UQCC1: variants seen among roughly 807,000 people sequenced by gnomAD.
UQCC1 encodes ubiquinol-cytochrome c reductase complex assembly factor 1.
A neutral mutation model predicts 48.0 loss-of-function variants in UQCC1; 38 were observed. The ratio of observed to expected loss-of-function variants is 0.79; its 90% confidence interval spans 0.61 to 1.04. The LOEUF is 1.04. Among genes scored for constraint, UQCC1 ranks in the 50% least tolerant of loss-of-function variants. UQCC1 has a pLI of 0.00. For missense variants in UQCC1, 368 were observed against 381.8 expected (o/e 0.96, Z 0.30); for synonymous variants, 111 against 129.2 (o/e 0.86, Z 0.95).
intron 6 of UQCC1, among the ~76,000 whole-genome samples, chr20:35,348,324 A>C (rs1399780775): frequency 6.6e-6 from 1 of 152,222 alleles, no homozygotes; most frequent in East Asian, 1.9e-4. Context: ...AGGGTCCCCA[A>C]CTTTTCAAAC....
intron 4 of UQCC1, among the ~76,000 whole-genome samples, chr20:35,377,745 CCTTGCCTGGAGA>C (rs2061818863): frequency 6.6e-6 from 1 of 152,186 alleles, no homozygotes; most frequent in African/African-American, 2.4e-5. Flanking sequence ...TAATTAATCA[CCTTGCCTGGAGA>C]CTTGCCTTCA....
At chr20:35,366,766 A>G (rs2061671397) in intron 5 of UQCC1, 152 bp from the exon 6 acceptor site, 1 of 614,162 alleles carries the variant, frequency 1.6e-6, no homozygotes, top group Admixed American at 3.1e-5. Flanking sequence ...ACCACAGGAT[A>G]AAAGAACTTT....
chr20:35,404,396 C>T (rs148038953), intron 1 of UQCC1, among the ~76,000 whole-genome samples: 3,415 of 143,050 alleles, frequency 0.024, 144 homozygotes, highest in African/African-American at 0.087. Flanking sequence ...CAAAATTAGC[C>T]GGGCATGGTG....
intron 4 of UQCC1, among the ~76,000 whole-genome samples, chr20:35,375,084 C>T (rs1042149458): frequency 3.9e-5 from 6 of 152,082 alleles, no homozygotes; most frequent in African/African-American, 1.4e-4. Flanking sequence ...TAAATGAGCA[C>T]TTCAACAAGG....
At chr20:35,359,668 A>C (rs1035940479) in intron 6 of UQCC1, among the ~76,000 whole-genome samples, 1 of 152,112 alleles carries the variant, frequency 6.6e-6, no homozygotes, top group African/African-American at 2.4e-5. Flanking sequence ...AATAAAGACT[A>C]GCAGGCACTT....
At chr20:35,311,117 A>C (rs1280939743) in intron 8 of UQCC1, among the ~76,000 whole-genome samples, 1 of 152,134 alleles carries the variant, frequency 6.6e-6, no homozygotes, top group African/African-American at 2.4e-5. Context: ...TACTGCCCTC[A>C]ACCCCTCATT....
At chr20:35,314,795 T>G in intron 7 of UQCC1, 30 bp from the exon 8 acceptor site, 1 of 1,562,698 alleles carries the variant, frequency 6.4e-7, no homozygotes. Context: ...AAACAAAAGT[T>G]TGAAAGAAAG....
intron 7 of UQCC1, among the ~76,000 whole-genome samples, chr20:35,339,968 T>C (rs2061359684): frequency 6.6e-6 from 1 of 152,150 alleles, no homozygotes; most frequent in Non-Finnish European, 1.5e-5. Flanking sequence ...AATACTTCAA[T>C]ATGTATCTGC....
rs376923013 is a variant in UQCC1 at position 35,411,951 on chromosome 20, C to T, written c.13G>A (p.Val5Met). 6.2e-7 allele frequency: 1 copy of T among 1,614,240 alleles called. No individual in the cohort carries two copies. Among genetic ancestry groups the T allele is most frequent in the Non-Finnish European group, 8.5e-7 (1 of 1,180,046 alleles). Residue 5 changes from valine to methionine, a missense_variant, in exon 1 of 10, where the codon GTG (valine) becomes ATG (methionine). Coordinates refer to ENST00000374385, the MANE Select transcript of UQCC1 (RefSeq NM_018244.5). ...ACTCCTTCACTCACAAGGACTCGCA[C>T]CAGCAACGCCATGTTCCTCAATAAC... MALL[V>M]RVLRNQTSIS...
chr20:35,342,122 C>A (rs1039926655), intron 7 of UQCC1, among the ~76,000 whole-genome samples: 15 of 152,134 alleles, frequency 9.9e-5, no homozygotes, highest in African/African-American at 3.6e-4. Context: ...GAGCAGGGGA[C>A]CATGAGGTGA....
chr20:35,410,704 C>CAAAAAA lies in UQCC1; in HGVS notation c.24+1230_24+1235dup, dbSNP rs1183843739. On this transcript the variant is annotated intron_variant, in intron 1 of 9. Coordinates refer to ENST00000374385, the MANE Select transcript of UQCC1 (RefSeq NM_018244.5). ...TCGGCGACAGAGCAAGACTCTGCCT[C>CAAAAAA]AAAAAAAAAAAAAAAAAAAACAAAA... Among the ~76,000 whole-genome samples, 21 of 2,708 alleles carry CAAAAAA rather than the reference C, an allele frequency of 7.8e-3. 5 individuals carry two copies. Among genetic ancestry groups the CAAAAAA allele is most frequent in the African/African-American group, 0.018 (14 of 784 alleles). The allele number at this position is 2,708 out of a possible 152,430, so 1.8% of individuals were successfully genotyped here.
At chr20:35,393,608 A>G (rs1375747896) in intron 2 of UQCC1, among the ~76,000 whole-genome samples, 1 of 152,070 alleles carries the variant, frequency 6.6e-6, no homozygotes, top group African/African-American at 2.4e-5. Flanking sequence ...TATTTCCCTT[A>G]TTACTAAATT....
intron 2 of UQCC1, among the ~76,000 whole-genome samples, chr20:35,388,886 G>A (rs1293592262): frequency 9.2e-5 from 14 of 152,034 alleles, no homozygotes; most frequent in Admixed American, 9.2e-4. Flanking sequence ...CCAACATGGT[G>A]AAACCCCTTC....
At position 35,394,158 on chromosome 20, in the gene UQCC1, G is replaced by A; in HGVS notation, c.63C>T (p.Cys21=). The stretch of plus-strand genomic sequence containing the variant: ...TAGGAGACACAGGTATCAATCGGCT[G>A]CATACTGGAACCCACTGAGAAATGC... ...QTSISQWVPV[C]SRLIPVSPTQ... The change falls in exon 2 of 10, where the codon TGC becomes TGT. Residue 21 remains cysteine (C), a synonymous_variant. Coordinates refer to ENST00000374385, the MANE Select transcript of UQCC1 (RefSeq NM_018244.5). 3 of 1,614,066 alleles carry A rather than the reference G, an allele frequency of 1.9e-6. No homozygotes were observed. The highest frequency in any genetic ancestry group is 2.2e-5 in the East Asian group (1 of 44,888).
At chr20:35,370,112 G>A (rs1410073690) in intron 5 of UQCC1, among the ~76,000 whole-genome samples, 1 of 152,172 alleles carries the variant, frequency 6.6e-6, no homozygotes. Flanking sequence ...GAAACAGCGG[G>A]CTGCTGAATT....
At chr20:35,400,771 A>G (rs1304828387) in intron 1 of UQCC1, among the ~76,000 whole-genome samples, 1 of 152,226 alleles carries the variant, frequency 6.6e-6, no homozygotes, top group Non-Finnish European at 1.5e-5. Flanking sequence ...CTGGGATTAC[A>G]GGTGTGAGCC....
intron 6 of UQCC1, 119 bp downstream of exon 6, chr20:35,366,438 G>A: frequency 1.2e-6 from 1 of 832,828 alleles, no homozygotes; most frequent in East Asian, 2.6e-5. Flanking sequence ...GAAAGGAACA[G>A]TTTTTAACAC....
chr20:35,398,031 A>T (rs187646768), intron 1 of UQCC1, among the ~76,000 whole-genome samples: 257 of 152,328 alleles, frequency 1.7e-3, no homozygotes, highest in African/African-American at 5.9e-3. Context: ...TTACACAAAA[A>T]AGGAAACTGA....
chr20:35,358,132 TC>T (rs779606424), intron 6 of UQCC1, among the ~76,000 whole-genome samples: 13 of 151,968 alleles, frequency 8.6e-5, no homozygotes, highest in Non-Finnish European at 1.3e-4. Flanking sequence ...GGAGGGTGGA[TC>T]ACCTGAGGTC....
Sources: gnomAD v4.1 joint callset for allele counts (sites outside exome capture counted in the v4.1 genomes callset) on GRCh38, gnomAD v4.1.1 for gene constraint, MANE v1.5 for transcripts, NCBI Gene and HGNC (gene_info 2026-07-23, HGNC 2026-07-21) for gene names.